DUSP1: variants seen among roughly 807,000 people sequenced by gnomAD.
The protein encoded by DUSP1 is dual specificity protein phosphatase 1.
DUSP1 carries 10 observed loss-of-function variants against 27.4 expected under a neutral mutation model. The observed-to-expected ratio is 0.37, with a 90% CI of 0.23 to 0.62. DUSP1 has a LOEUF of 0.62. Ranked by LOEUF, DUSP1 falls within the 20% of genes least tolerant of loss-of-function variation. The pLI is 0.68. For missense variants in DUSP1, 425 were observed against 508.1 expected (o/e 0.84, Z 1.57); for synonymous variants, 262 against 223.6 (o/e 1.17, Z -1.53).
rs527712124 is a variant in DUSP1 at position 172,770,455 on chromosome 5, A to T, written c.367+131T>A. ...CCAGAGCCAAACAAAGCCAATGACA[A>T]GTTCCAGAGATAAATGTACTCCAGC... On this transcript the variant is annotated intron_variant, in intron 1 of 3. Coordinates refer to ENST00000239223, the MANE Select transcript of DUSP1 (RefSeq NM_004417.4). 4.0e-5 allele frequency: 61 copies of T among 1,526,892 alleles called. No individual in the cohort carries two copies. In the African/African-American group the frequency reaches 8.4e-4, roughly 21 times the overall value. The allele number at this position is 1,526,892 out of a possible 1,614,324, so 94.6% of individuals were successfully genotyped here. A position where few individuals can be genotyped will look rare whatever the true frequency, so the allele number is the denominator to read the frequency against.
In DUSP1 at chr5:172,768,194, T is replaced by C. The variant is rs895601623; in HGVS notation, c.*568A>G. 2 of 152,538 alleles carry C rather than the reference T, an allele frequency of 1.3e-5. No homozygotes were observed. Among genetic ancestry groups the C allele is most frequent in the Admixed American group, 6.5e-5 (1 of 15,270 alleles). 9.4% of individuals were successfully genotyped at this position (152,538 alleles called of 1,614,324 possible). On this transcript the variant is annotated 3_prime_UTR_variant, in exon 4 of 4. Transcript: ENST00000239223. ...AGAAGAAATATATTATTTCAGGTCA[T>C]AAATAATCAGCAAACATACAACTGT...
At position 172,771,183 on chromosome 5, in the gene DUSP1, A is replaced by G. The variant is rs563356820; in HGVS notation, c.-231T>C. 8.4e-5 allele frequency: 41 copies of G among 489,972 alleles called. 2 individuals carry two copies. The South Asian group carries it at 1.8e-3, about 21-fold the overall frequency. The allele number at this position is 489,972 out of a possible 1,614,324, so 30.4% of individuals were successfully genotyped here. On this transcript the variant is annotated 5_prime_UTR_variant, in exon 1 of 4. Transcript: ENST00000239223. ...CCGACCCGCGTCGCACACACAGCCCAAATGTCCTTCGCAGCGAGCCTGGCC... is the reference window on the plus strand; with the variant it reads ...CCGACCCGCGTCGCACACACAGCCCGAATGTCCTTCGCAGCGAGCCTGGCC...
intron 3 of DUSP1, 23 bp downstream of exon 3, chr5:172,769,552 C>T: frequency 6.2e-7 from 1 of 1,613,096 alleles, no homozygotes; most frequent in Non-Finnish European, 8.5e-7. Context: ...GGCAGAAAAG[C>T]CCCAGGCATC....
In DUSP1 at chr5:172,768,735, G is replaced by A; in HGVS notation, c.*27C>T. Reference sequence around the variant, plus strand: ...AAGGAGCATGGAGTCCCAATGGGATGTGAAGAGCCTCACCTCCCGTGGCCT... The same window carrying A: ...AAGGAGCATGGAGTCCCAATGGGATATGAAGAGCCTCACCTCCCGTGGCCT... On this transcript the variant is annotated 3_prime_UTR_variant, in exon 4 of 4. Transcript: ENST00000239223. 1 of 1,500,828 alleles carries A rather than the reference G, an allele frequency of 6.7e-7. No homozygotes were observed. Among genetic ancestry groups the A allele is most frequent in the Non-Finnish European group, 8.9e-7 (1 of 1,124,282 alleles). The allele number at this position is 1,500,828 out of a possible 1,614,324, so 93.0% of individuals were successfully genotyped here. A position where few individuals can be genotyped will look rare whatever the true frequency, so the allele number is the denominator to read the frequency against.
chr5:172,769,643 C>T lies in DUSP1; in HGVS notation c.665G>A (p.Ser222Asn), dbSNP rs754124390. 5 of 1,614,230 alleles carry T rather than the reference C, an allele frequency of 3.1e-6. No individual in the cohort carries two copies. Among genetic ancestry groups the T allele is most frequent in the Non-Finnish European group, 4.2e-6 (5 of 1,180,040 alleles). Reference sequence around the variant, plus strand: ...CTTGTGGTTGTCCTCCACAGGGATGCTCTTGTACTGGTAGTGACCCTCAAA... The same window carrying T: ...CTTGTGGTTGTCCTCCACAGGGATGTTCTTGTACTGGTAGTGACCCTCAAA... Reference protein sequence around the residue: ...NHFEGHYQYKSIPVEDNHKAD... With the variant: ...NHFEGHYQYKNIPVEDNHKAD... Residue 222 changes from serine (S) to asparagine (N), a missense_variant, in exon 3 of 4, where the codon AGC becomes AAC. Ser to Asn is a conservative substitution (Grantham distance 46). This residue lies in a region of DUSP1 where 282 missense variants were observed against 319.3 expected (regional missense o/e 0.88). Coordinates refer to ENST00000239223, the MANE Select transcript of DUSP1 (RefSeq NM_004417.4).
chr5:172,770,670 C>G lies in DUSP1; in HGVS notation c.283G>C (p.Gly95Arg), dbSNP rs1759875934. The stretch of plus-strand genomic sequence containing the variant: ...GCCAGGGTGCCGTCGCGCTTGGCGC[C>G]GTCCAGGGCGGCGCTGCGCTCGTCC... The part of the protein sequence containing the change: ...LLDERSAALD[G>R]AKRDGTLALA... The change falls in exon 1 of 4, where the codon GGC becomes CGC. Residue 95 changes from glycine to arginine, a missense_variant. Around this residue, in one of 3 missense-constraint regions of DUSP1, gnomAD observed 282 missense variants for 319.3 expected, o/e 0.88. Transcript: ENST00000239223. The G allele has an allele frequency of 3.1e-5, 40 of 1,306,936 alleles. No individual in the cohort carries two copies. The highest frequency in any genetic ancestry group is 3.8e-5 in the Non-Finnish European group (39 of 1,032,158). 81.0% of individuals were successfully genotyped at this position (1,306,936 alleles called of 1,614,324 possible). A position where few individuals can be genotyped will look rare whatever the true frequency, so the allele number is the denominator to read the frequency against.
At chr5:172,769,457 G>C in intron 3 of DUSP1, 118 bp downstream of exon 3, 1 of 1,112,202 alleles carries the variant, frequency 9.0e-7, no homozygotes, top group East Asian at 2.4e-5. Flanking sequence ...ACACCAGACT[G>C]ATACTGAATG....
Position 172,770,982 on chromosome 5 carries a change from G to A in DUSP1, c.-30C>T. Reference sequence around the variant, plus strand: ...GGCCTCAGCGCCCCCAGCGTGATCGGCCCTGCGGTGCTCTTTGTCTGTTCT... The same window carrying A: ...GGCCTCAGCGCCCCCAGCGTGATCGACCCTGCGGTGCTCTTTGTCTGTTCT... On this transcript the variant is annotated 5_prime_UTR_variant, in exon 1 of 4. Coordinates refer to ENST00000239223, the MANE Select transcript of DUSP1 (RefSeq NM_004417.4). 7.2e-7 allele frequency: 1 copy of A among 1,390,054 alleles called. No homozygotes were observed. The highest frequency in any genetic ancestry group is 2.2e-4 in the Middle Eastern group (1 of 4,606). The allele number at this position is 1,390,054 out of a possible 1,614,324, so 86.1% of individuals were successfully genotyped here.
chr5:172,770,410 G>C, intron 1 of DUSP1, 104 bp from the exon 2 acceptor site: 1 of 1,565,024 alleles, frequency 6.4e-7, no homozygotes, highest in Non-Finnish European at 8.6e-7. Flanking sequence ...CATCGGAAAG[G>C]CCCAGGCAAG....
chr5:172,771,010 G>T lies in DUSP1; in HGVS notation c.-58C>A. On this transcript the variant is annotated 5_prime_UTR_variant, in exon 1 of 4. Transcript: ENST00000239223. ...CTGCGGTGCTCTTTGTCTGTTCTCG[G>T]GGCCAAGGGCAGGGCGGCGCTTTTC... 7.5e-7 allele frequency: 1 copy of T among 1,326,360 alleles called. No homozygotes were observed. Among genetic ancestry groups the T allele is most frequent in the Non-Finnish European group, 9.7e-7 (1 of 1,035,840 alleles). 82.2% of individuals were successfully genotyped at this position (1,326,360 alleles called of 1,614,324 possible).
Position 172,768,552 on chromosome 5 carries a change from C to T in DUSP1, c.*210G>A. ...ATTTTGTCAGATGGACTTGATGTAC[C>T]CACTATATATTGGTCCCGAATGTGC... is the stretch of plus-strand genomic sequence containing the variant. On this transcript the variant is annotated 3_prime_UTR_variant, in exon 4 of 4. Coordinates refer to ENST00000239223, the MANE Select transcript of DUSP1 (RefSeq NM_004417.4). 1 of 502,202 alleles carries T rather than the reference C, an allele frequency of 2.0e-6. No homozygotes were observed. The highest frequency in any genetic ancestry group is 3.6e-5 in the East Asian group (1 of 27,918). 31.1% of individuals were successfully genotyped at this position (502,202 alleles called of 1,614,324 possible). A position where few individuals can be genotyped will look rare whatever the true frequency, so the allele number is the denominator to read the frequency against.
chr5:172,768,809 C>T lies in DUSP1; in HGVS notation c.1057G>A (p.Ala353Thr). Residue 353 changes from alanine to threonine, a missense_variant, in exon 4 of 4, where the codon GCG becomes ACG. Coordinates refer to ENST00000239223, the MANE Select transcript of DUSP1 (RefSeq NM_004417.4). ...ATGGGGCTCTGAAGGTAGCTCAGCG[C>T]ACTGTTCGTGGAGTGGACAGGGATG... ...VSIPVHSTNS[A>T]LSYLQSPITT... 1 of 1,555,432 alleles carries T rather than the reference C, an allele frequency of 6.4e-7. No homozygotes were observed. Among genetic ancestry groups the T allele is most frequent in the East Asian group, 2.3e-5 (1 of 44,328 alleles).
In DUSP1 at chr5:172,771,164, C is replaced by A; in HGVS notation, c.-212G>T. On this transcript the variant is annotated 5_prime_UTR_variant, in exon 1 of 4. Coordinates refer to ENST00000239223, the MANE Select transcript of DUSP1 (RefSeq NM_004417.4). Reference sequence around the variant, plus strand: ...GGTTCCCCCGACTGCCCCTCCGACCCGCGTCGCACACACAGCCCAAATGTC... The same window carrying A: ...GGTTCCCCCGACTGCCCCTCCGACCAGCGTCGCACACACAGCCCAAATGTC... The A allele has an allele frequency of 1.7e-6, 1 of 572,402 alleles. No individual in the cohort carries two copies. The highest frequency in any genetic ancestry group is 2.7e-6 in the Non-Finnish European group (1 of 370,342). 35.5% of individuals were successfully genotyped at this position (572,402 alleles called of 1,614,324 possible).
At position 172,770,251 on chromosome 5, in the gene DUSP1, G is replaced by A. The variant is rs202047003; in HGVS notation, c.423C>T (p.Thr141=). 1.1e-5 allele frequency: 18 copies of A among 1,611,056 alleles called. No individual in the cohort carries two copies. In the African/African-American group the frequency reaches 1.7e-4, roughly 16 times the overall value. The change falls in exon 2 of 4, where the codon ACC becomes ACT. Residue 141 remains threonine, a synonymous_variant. Transcript: ENST00000239223. Reference sequence around the variant, plus strand: ...TCAGGGGAAGGCTGAGCCCCATGGGGGTCGACTGTTTGCTGCACAGCTCCG... The same window carrying A: ...TCAGGGGAAGGCTGAGCCCCATGGGAGTCGACTGTTTGCTGCACAGCTCCG... ...SCPELCSKQS[T]PMGLSLPLST...
In DUSP1 at chr5:172,768,696, G is replaced by A; in HGVS notation, c.*66C>T. ...CTCTCGAGCCCCTCCCAGAGTTATT[G>A]CATTTCTCCTCTCAAGGAGCATGGA... On this transcript the variant is annotated 3_prime_UTR_variant, in exon 4 of 4. Transcript: ENST00000239223. 1 of 1,461,222 alleles carries A rather than the reference G, an allele frequency of 6.8e-7. No homozygotes were observed. The highest frequency in any genetic ancestry group is 9.1e-7 in the Non-Finnish European group (1 of 1,103,842). 90.5% of individuals were successfully genotyped at this position (1,461,222 alleles called of 1,614,324 possible).
Position 172,770,173 on chromosome 5 carries a change from T to A in DUSP1, c.501A>T (p.Pro167=), listed in dbSNP as rs1581472857. ...AESGCSSCST[P]LYDQGGPVEI... ...GACACCTACTAACCTGATCGTAGAG[T>A]GGGGTACTGCAGGAACTGCACCCAG... Residue 167 remains proline (P), a synonymous_variant, in exon 2 of 4, where the codon CCA becomes CCT. Coordinates refer to ENST00000239223, the MANE Select transcript of DUSP1 (RefSeq NM_004417.4). The A allele has an allele frequency of 6.3e-7, 1 of 1,582,770 alleles. No individual in the cohort carries two copies. The highest frequency in any genetic ancestry group is 8.6e-7 in the Non-Finnish European group (1 of 1,168,978).
chr5:172,769,870 C>T, intron 2 of DUSP1, 76 bp from the exon 3 acceptor site: 4 of 1,505,632 alleles, frequency 2.7e-6, no homozygotes, highest in South Asian at 2.4e-5. Flanking sequence ...CAAAAACTTT[C>T]TGCTGGAAAA....
chr5:172,770,367 C>G lies in DUSP1; in HGVS notation c.368-61G>C, dbSNP rs769251851. The G allele has an allele frequency of 5.6e-6, 9 of 1,603,614 alleles. No individual in the cohort carries two copies. The South Asian group carries it at 1.0e-4, about 18-fold the overall frequency. On this transcript the variant is annotated intron_variant, in intron 1 of 3. Coordinates refer to ENST00000239223, the MANE Select transcript of DUSP1 (RefSeq NM_004417.4). ...GACACCGGGACACGGCACCTTCATA[C>G]AACTCCCCCACCCACCAAGGGCTGG...
chr5:172,768,878 C>A lies in DUSP1; in HGVS notation c.988G>T (p.Asp330Tyr). 6.2e-7 allele frequency: 1 copy of A among 1,611,126 alleles called. No homozygotes were observed. The highest frequency in any genetic ancestry group is 8.5e-7 in the Non-Finnish European group (1 of 1,178,180). ...ACGGTGGTGGTGGAGGTGCCTCGGTCGAGCACAGCCATGGCGGGGCTCCCA... is the reference window on the plus strand; with the variant it reads ...ACGGTGGTGGTGGAGGTGCCTCGGTAGAGCACAGCCATGGCGGGGCTCCCA... Reference protein sequence around the residue: ...EAGSPAMAVLDRGTSTTTVFN... With the variant: ...EAGSPAMAVLYRGTSTTTVFN... The change falls in exon 4 of 4, where the codon GAC becomes TAC. Residue 330 changes from aspartate (D) to tyrosine (Y), a missense_variant. Coordinates refer to ENST00000239223, the MANE Select transcript of DUSP1 (RefSeq NM_004417.4).
Sources: allele counts gnomAD v4.1 joint callset, GRCh38; gene constraint gnomAD v4.1.1; regional missense constraint gnomAD v4.1.1; transcripts MANE v1.5; gene names NCBI Gene and HGNC (gene_info 2026-07-23, HGNC 2026-07-21).